OLA1: variants seen among roughly 807,000 people sequenced by gnomAD.
The protein encoded by OLA1 is obg-like ATPase 1.
OLA1 carries 14 observed loss-of-function variants against 48.4 expected under a neutral mutation model. The ratio of observed to expected loss-of-function variants is 0.29; its 90% CI spans 0.19 to 0.45. OLA1 has a LOEUF of 0.45. Among genes scored for constraint, OLA1 ranks in the 20% least tolerant of loss-of-function variants. The pLI is 1.00. For synonymous variants in OLA1, 127 were observed against 150.4 expected, an observed-to-expected ratio of 0.84 and a Z score of 1.14; for missense variants, 325 against 467.1, an observed-to-expected ratio of 0.70 and a Z score of 2.80.
At chr2:174,172,905 G>A (rs1275754155) in intron 4 of OLA1, among the ~76,000 whole-genome samples, 3 of 152,066 alleles carry the variant, frequency 2.0e-5, no homozygotes, top group African/African-American at 4.8e-5. Flanking sequence ...AGTTCAGTGC[G>A]ATCTGGTTGT....
intron 7 of OLA1, among the ~76,000 whole-genome samples, chr2:174,099,464 T>C (rs1258018538): frequency 6.6e-6 from 1 of 152,198 alleles, no homozygotes; most frequent in Admixed American, 6.5e-5. Context: ...GACTTTGTTG[T>C]ATTTTCTAAA....
rs188499924 is a variant in OLA1, at chr2:174,215,824, G to A, written c.373+7209C>T. ...CCATAATTATTTCACAGCCACCTCC[G>A]GTTGCTATTGGGATAAGCTTGAGTG... On this transcript the variant is annotated intron_variant, in intron 4 of 10. Transcript: ENST00000284719. Among the ~76,000 whole-genome samples the A allele has an allele frequency of 4.2e-3, 633 of 152,160 alleles. 3 individuals are homozygous for A. The highest frequency in any genetic ancestry group is 0.014 in the African/African-American group (600 of 41,504).
intron 4 of OLA1, among the ~76,000 whole-genome samples, chr2:174,176,730 A>G (rs1254727072): frequency 6.6e-6 from 1 of 152,150 alleles, no homozygotes; most frequent in Non-Finnish European, 1.5e-5. Context: ...TCTTTACCAC[A>G]AAAAAGTGGG....
At chr2:174,176,956 T>G (rs76457036) in intron 4 of OLA1, among the ~76,000 whole-genome samples, 20,095 of 152,150 alleles carry the variant, frequency 0.13, 1,785 homozygotes, top group Non-Finnish European at 0.2. Context: ...AGAAGCCATC[T>G]TATGCACATT....
At chr2:174,137,610 G>A (rs1686341364) in intron 5 of OLA1, among the ~76,000 whole-genome samples, 1 of 152,176 alleles carries the variant, frequency 6.6e-6, no homozygotes, top group Admixed American at 6.5e-5. Context: ...ATCTTAGTTA[G>A]ACCTTCTGGA....
intron 4 of OLA1, among the ~76,000 whole-genome samples, chr2:174,152,077 TTAAG>T (rs1340907050): frequency 6.6e-6 from 1 of 152,220 alleles, no homozygotes; most frequent in Non-Finnish European, 1.5e-5. Flanking sequence ...TATCTTTGCA[TTAAG>T]TAAGATGTGT....
intron 7 of OLA1, among the ~76,000 whole-genome samples, chr2:174,121,858 C>T (rs1055968646): frequency 1.3e-5 from 2 of 152,000 alleles, no homozygotes; most frequent in Non-Finnish European, 2.9e-5. Flanking sequence ...GTGAGAAGTC[C>T]CTTTGGGCAA....
At chr2:174,108,423 T>C (rs1175612072) in intron 7 of OLA1, among the ~76,000 whole-genome samples, 1 of 152,138 alleles carries the variant, frequency 6.6e-6, no homozygotes, top group African/African-American at 2.4e-5. Flanking sequence ...ATGTCACAAT[T>C]ATCAATATAG....
chr2:174,129,358 T>G (rs1041211671), intron 5 of OLA1, among the ~76,000 whole-genome samples: 1 of 151,796 alleles, frequency 6.6e-6, no homozygotes, highest in Non-Finnish European at 1.5e-5. Context: ...CTCGGGAGGC[T>G]GAGGCAGGAG....
At chr2:174,090,223 T>C (rs1208879763) in intron 7 of OLA1, among the ~76,000 whole-genome samples, 5 of 152,184 alleles carry the variant, frequency 3.3e-5, no homozygotes, top group Non-Finnish European at 5.9e-5. Flanking sequence ...CATATAAAAA[T>C]TGGATTTCAG....
At chr2:174,141,761 TA>T in intron 5 of OLA1, 63 bp downstream of exon 5, 3 of 1,276,082 alleles carry the variant, frequency 2.4e-6, no homozygotes, top group Non-Finnish European at 3.3e-6. Context: ...ATGCATTATT[TA>T]AAAAATTTAA....
intron 4 of OLA1, among the ~76,000 whole-genome samples, chr2:174,196,180 TTTTA>T (rs773132370): frequency 2.0e-4 from 30 of 152,136 alleles, no homozygotes; most frequent in Non-Finnish European, 2.6e-4. Context: ...TTTTGTTCCT[TTTTA>T]ACAGAAGAAA....
intron 7 of OLA1, among the ~76,000 whole-genome samples, chr2:174,086,090 A>G (rs1684970004): frequency 6.6e-6 from 1 of 152,154 alleles, no homozygotes; most frequent in African/African-American, 2.4e-5. Flanking sequence ...TACTTCTTCT[A>G]GGGAGAGATC....
In OLA1 at chr2:174,075,253, TGG is replaced by T. The variant is rs58281097; in HGVS notation, c.*171_*172del. On this transcript the variant is annotated 3_prime_UTR_variant, in exon 11 of 11. Transcript: ENST00000284719. ...TCACATTTAGTGAACCTGCATTTCA[TGG>T]GGGGGGGGGGGTACACAGTATTTTA... 8.0e-3 allele frequency: 2,530 copies of T among 314,760 alleles called. 4 individuals are homozygous for T. The highest frequency in any genetic ancestry group is 0.013 in the Middle Eastern group (15 of 1,166). 19.5% of individuals were successfully genotyped at this position (314,760 alleles called of 1,614,324 possible).
intron 4 of OLA1, among the ~76,000 whole-genome samples, chr2:174,166,194 CTAAT>C (rs1687160697): frequency 6.6e-6 from 1 of 151,068 alleles, no homozygotes; most frequent in Non-Finnish European, 1.5e-5. Flanking sequence ...AAATTTGTAA[CTAAT>C]TGATGAACAT....
At chr2:174,129,739 TA>T (rs1686134244) in intron 5 of OLA1, among the ~76,000 whole-genome samples, 1 of 151,900 alleles carries the variant, frequency 6.6e-6, no homozygotes, top group African/African-American at 2.4e-5. Flanking sequence ...AGGAAAAAAA[TA>T]AAGGTATATT....
At chr2:174,083,614 G>C (rs997555615) in intron 7 of OLA1, among the ~76,000 whole-genome samples, 13 of 151,978 alleles carry the variant, frequency 8.6e-5, no homozygotes, top group African/African-American at 2.2e-4. Context: ...GACTGAAATT[G>C]GTGCTTCTGT....
At chr2:174,084,930 GGGA>G (rs1267177098) in intron 7 of OLA1, among the ~76,000 whole-genome samples, 1 of 152,174 alleles carries the variant, frequency 6.6e-6, no homozygotes, top group Non-Finnish European at 1.5e-5. Flanking sequence ...TATGGTGGGT[GGGA>G]GGAGAAGGAA....
chr2:174,129,734 A>G (rs1686134144), intron 5 of OLA1, among the ~76,000 whole-genome samples: 1 of 152,186 alleles, frequency 6.6e-6, no homozygotes. Context: ...ATAATAGGAA[A>G]AAAATAAAGG....
Sources: allele counts gnomAD v4.1 joint callset (sites outside exome capture counted in the v4.1 genomes callset), GRCh38; gene constraint gnomAD v4.1.1; transcripts MANE v1.5; gene names NCBI Gene and HGNC (gene_info 2026-07-23, HGNC 2026-07-21).